The following SLC71A1 variants were observed in gnomAD, a reference collection of about 807,000 sequenced individuals.
The protein encoded by SLC71A1 is solute carrier family 71 member 1, also known as hippocampus abundant gene transcript 1.
the SLC71A1 span, among the ~76,000 whole-genome samples, chr1:100,069,258 G>C: frequency 5.9e-5 from 9 of 152,184 alleles, no homozygotes; most frequent in East Asian, 1.9e-4. Flanking sequence ...GCCAAAATGA[G>C]AGCAAAAACA....
At chr1:100,068,037 C>A in the SLC71A1 span, 8 of 1,614,108 alleles carry the variant, frequency 5.0e-6, no homozygotes, top group Non-Finnish European at 5.9e-6. Context: ...TTATCTTGGA[C>A]GAGTATATGG....
chr1:100,082,454 G>T, the SLC71A1 span: 1 of 496,322 alleles, frequency 2.0e-6, no homozygotes, highest in Non-Finnish European at 3.6e-6. Flanking sequence ...TAAGCTATTT[G>T]TTTTATTATA....
At chr1:100,054,849 C>T in the SLC71A1 span, among the ~76,000 whole-genome samples, 4 of 152,042 alleles carry the variant, frequency 2.6e-5, no homozygotes, top group African/African-American at 9.7e-5. Flanking sequence ...TTATATTTGT[C>T]TGTTAAAATT....
At chr1:100,082,915 A>G in the SLC71A1 span, 1 of 152,522 alleles carries the variant, frequency 6.6e-6, no homozygotes, top group Non-Finnish European at 1.5e-5. Context: ...TTCTTATACC[A>G]CTATTCTTTT....
chr1:100,077,606 G>T, the SLC71A1 span, among the ~76,000 whole-genome samples: 1 of 152,148 alleles, frequency 6.6e-6, no homozygotes, highest in African/African-American at 2.4e-5. Flanking sequence ...GGCCCTGAAA[G>T]TTATTTACAT....
the SLC71A1 span, among the ~76,000 whole-genome samples, chr1:100,075,750 C>G: frequency 1.3e-5 from 2 of 152,162 alleles, no homozygotes; most frequent in Non-Finnish European, 2.9e-5. Flanking sequence ...GTGATCATGG[C>G]TTACTGCAGC....
At chr1:100,080,606 A>G in the SLC71A1 span, 4,881 of 1,614,146 alleles carry the variant, frequency 3.0e-3, 16 homozygotes, top group Non-Finnish European at 3.9e-3. Flanking sequence ...AGAACTGCCA[A>G]TAACAGGAAC....
the SLC71A1 span, among the ~76,000 whole-genome samples, chr1:100,056,453 A>C: frequency 1.3e-5 from 2 of 152,190 alleles, no homozygotes; most frequent in Non-Finnish European, 2.9e-5. Context: ...ATAGTGCTGC[A>C]TACAAAAATT....
At chr1:100,043,662 TG>T in the SLC71A1 span, among the ~76,000 whole-genome samples, 1 of 152,248 alleles carries the variant, frequency 6.6e-6, no homozygotes, top group African/African-American at 2.4e-5. Context: ...TTAGTGCACC[TG>T]TCACCTGACC....
the SLC71A1 span, among the ~76,000 whole-genome samples, chr1:100,077,731 A>G: frequency 6.6e-6 from 1 of 152,206 alleles, no homozygotes; most frequent in Non-Finnish European, 1.5e-5. Context: ...GCTGTGTCTC[A>G]GCTTTTCTGA....
the SLC71A1 span, chr1:100,082,213 C>A: frequency 6.2e-7 from 1 of 1,612,194 alleles, no homozygotes; most frequent in Non-Finnish European, 8.5e-7. Context: ...TGTGTGACGA[C>A]TGAAATCAGG....
At chr1:100,038,800 C>G in the SLC71A1 span, among the ~76,000 whole-genome samples, 3 of 152,216 alleles carry the variant, frequency 2.0e-5, no homozygotes, top group South Asian at 2.1e-4. Flanking sequence ...GCTGCGGCCC[C>G]GTAGTACGTT....
the SLC71A1 span, among the ~76,000 whole-genome samples, chr1:100,046,013 A>G: frequency 6.6e-6 from 1 of 152,208 alleles, no homozygotes; most frequent in South Asian, 2.1e-4. Flanking sequence ...AGCACCATTT[A>G]GGAGACTATC....
chr1:100,047,174 C>A, the SLC71A1 span, among the ~76,000 whole-genome samples: 46 of 152,308 alleles, frequency 3.0e-4, 1 homozygote, highest in East Asian at 7.7e-3. Context: ...TTTCCCTGTT[C>A]AGCATGATAG....
At chr1:100,071,404 G>A in the SLC71A1 span, among the ~76,000 whole-genome samples, 1 of 151,772 alleles carries the variant, frequency 6.6e-6, no homozygotes, top group Non-Finnish European at 1.5e-5. Flanking sequence ...CTGGGAGGTC[G>A]AGGGTGCAGT....
the SLC71A1 span, chr1:100,077,144 A>G: frequency 1.2e-5 from 13 of 1,066,602 alleles, no homozygotes; most frequent in Non-Finnish European, 1.7e-5. Context: ...ATTCTGATAA[A>G]TCTTTTTTTT....
the SLC71A1 span, among the ~76,000 whole-genome samples, chr1:100,065,450 T>C: frequency 6.6e-6 from 1 of 151,286 alleles, no homozygotes; most frequent in African/African-American, 2.4e-5. Flanking sequence ...TTCCTTTCCT[T>C]CCCTTCCCCT....
At chr1:100,038,362 C>T in the SLC71A1 span, 1 of 1,481,834 alleles carries the variant, frequency 6.7e-7, no homozygotes, top group Non-Finnish European at 9.2e-7. Context: ...GGCCCCCATC[C>T]GGTCTCTCCT....
chr1:100,063,754 C>T, the SLC71A1 span, among the ~76,000 whole-genome samples: 1 of 152,188 alleles, frequency 6.6e-6, no homozygotes, highest in Non-Finnish European at 1.5e-5. Flanking sequence ...CGTGATCGCA[C>T]CACTGCGCTC....
Sources: allele counts gnomAD v4.1 joint callset (sites outside exome capture counted in the v4.1 genomes callset), GRCh38; gene constraint gnomAD v4.1.1; transcripts MANE v1.5; gene names NCBI Gene and HGNC (gene_info 2026-07-23, HGNC 2026-07-21).